The following FIG4 variants were observed in gnomAD, a reference collection of about 807,000 sequenced individuals.
The protein encoded by FIG4 is FIG4 phosphoinositide 5-phosphatase.
A neutral mutation model predicts 118.6 loss-of-function variants in FIG4; 112 were observed. The observed-to-expected ratio is 0.94, with a 90% CI of 0.81 to 1.11. The LOEUF is 1.11. FIG4 is among the 50% of genes least tolerant of loss of function. The pLI, the probability that FIG4 is intolerant of heterozygous loss-of-function variation, is 0.00. For missense variants in FIG4, 969 were observed against 1,111.7 expected (o/e 0.87, Z 1.83); for synonymous variants, 369 against 381.2 (o/e 0.97, Z 0.37).
chr6:109,744,695 G>C (rs1352381871), intron 10 of FIG4, among the ~76,000 whole-genome samples: 1 of 151,930 alleles, frequency 6.6e-6, no homozygotes, highest in East Asian at 1.9e-4. Context: ...GAACGTGCAG[G>C]TTTGTTACAT....
At chr6:109,705,823 C>T (rs925313513) in intron 1 of FIG4, among the ~76,000 whole-genome samples, 17 of 152,230 alleles carry the variant, frequency 1.1e-4, no homozygotes, top group African/African-American at 4.1e-4. Flanking sequence ...CACATATACC[C>T]CCAAACCTAA....
rs1456546831 is a variant in FIG4 at position 109,691,510 on chromosome 6, C to A, written c.66+9C>A. On this transcript the variant is annotated intron_variant, in intron 1 of 22. Coordinates refer to ENST00000230124, the MANE Select transcript of FIG4 (RefSeq NM_014845.6). ...TGTATGAGACTAGAGCTGTGAGTACCCCCTCGCGGCGGGGCGCAGGCGGGA... is the reference window on the plus strand; with the variant it reads ...TGTATGAGACTAGAGCTGTGAGTACACCCTCGCGGCGGGGCGCAGGCGGGA... The A allele has an allele frequency of 1.3e-6, 2 of 1,569,292 alleles. No homozygotes were observed. The highest frequency in any genetic ancestry group is 1.7e-6 in the Non-Finnish European group (2 of 1,156,596).
chr6:109,742,530 A>G (rs1776357870), intron 8 of FIG4, among the ~76,000 whole-genome samples: 1 of 152,076 alleles, frequency 6.6e-6, no homozygotes. Context: ...AACAGTGAAA[A>G]TTGTTACAGC....
chr6:109,769,633 A>T (rs1294226747), intron 15 of FIG4, among the ~76,000 whole-genome samples: 1 of 152,048 alleles, frequency 6.6e-6, no homozygotes, highest in Admixed American at 6.5e-5. Context: ...TAAAAAAAAA[A>T]AAAAGCGCTG....
At chr6:109,755,506 G>C (rs1271029883) in intron 10 of FIG4, among the ~76,000 whole-genome samples, 1 of 152,038 alleles carries the variant, frequency 6.6e-6, no homozygotes, top group East Asian at 1.9e-4. Context: ...AACTTTCTGT[G>C]ACGTTGATCT....
chr6:109,738,698 T>G (rs1043047796), intron 7 of FIG4, among the ~76,000 whole-genome samples: 2 of 152,114 alleles, frequency 1.3e-5, no homozygotes, highest in African/African-American at 2.4e-5. Flanking sequence ...AGGTAATAAG[T>G]GTCATGCTTA....
At position 109,766,726 on chromosome 6, in the gene FIG4, TA is replaced by T. The variant is rs1190452793; in HGVS notation, c.1584-2del. 2 of 1,613,376 alleles carry T rather than the reference TA, an allele frequency of 1.2e-6. No homozygotes were observed. The highest frequency in any genetic ancestry group is 2.7e-5 in the African/African-American group (2 of 74,918). ...TTCTTTAATCGGGTTTTTCTTTTTT[TA>T]GGTTATTTGAGGAACTCTATGAAGA... On this transcript the variant is annotated splice_acceptor_variant, in intron 14 of 22. Transcript: ENST00000230124. LOFTEE classifies it high-confidence loss of function.
chr6:109,755,410 T>G (rs1258387445), intron 10 of FIG4, among the ~76,000 whole-genome samples: 2 of 152,190 alleles, frequency 1.3e-5, no homozygotes, highest in East Asian at 1.9e-4. Context: ...AAATGTATAT[T>G]CTGTTGATTT....
intron 22 of FIG4, among the ~76,000 whole-genome samples, chr6:109,810,653 CTGTT>C (rs1353592986): frequency 1.3e-5 from 2 of 152,230 alleles, no homozygotes; most frequent in African/African-American, 4.8e-5. Context: ...AAGATCCAAA[CTGTT>C]TGTTCACTCA....
chr6:109,766,653 G>T (rs2128392568), intron 14 of FIG4, 76 bp from the exon 15 acceptor site: 2 of 1,253,822 alleles, frequency 1.6e-6, no homozygotes, highest in Non-Finnish European at 1.2e-6. Flanking sequence ...TATAAGACTT[G>T]TTTGGAGTTT....
intron 16 of FIG4, among the ~76,000 whole-genome samples, chr6:109,783,236 C>G (rs1251743618): frequency 1.3e-5 from 2 of 152,182 alleles, no homozygotes; most frequent in Admixed American, 6.5e-5. Flanking sequence ...ATGTAACAAA[C>G]CTGCACGTTC....
chr6:109,693,327 A>G (rs1378669475), intron 1 of FIG4, among the ~76,000 whole-genome samples: 1 of 152,054 alleles, frequency 6.6e-6, no homozygotes, highest in Non-Finnish European at 1.5e-5. Context: ...GCTGTTCTCT[A>G]TTCTCTTAAT....
At chr6:109,702,739 T>G (rs969297056) in intron 1 of FIG4, among the ~76,000 whole-genome samples, 32 of 152,172 alleles carry the variant, frequency 2.1e-4, no homozygotes, top group African/African-American at 7.2e-4. Context: ...TTCTTCAGAC[T>G]CTGCCAATAC....
chr6:109,823,812 T>C (rs1779079459), intron 22 of FIG4, among the ~76,000 whole-genome samples: 1 of 152,190 alleles, frequency 6.6e-6, no homozygotes, highest in Non-Finnish European at 1.5e-5. Flanking sequence ...CTCCAGATTT[T>C]CTTTCCCTGT....
rs573739307 is a variant in FIG4, at chr6:109,762,349, A to T, written c.1388+142A>T. ...CACTGCTCACATGACTGAGTGCTGA[A>T]TGTTCACTGGGGCATGGGAATTCCT... On this transcript the variant is annotated intron_variant, in intron 12 of 22. Coordinates refer to ENST00000230124, the MANE Select transcript of FIG4 (RefSeq NM_014845.6). 4 of 676,180 alleles carry T rather than the reference A, an allele frequency of 5.9e-6. No homozygotes were observed. The Admixed American group carries it at 8.2e-5, about 14-fold the overall frequency. 41.9% of individuals were successfully genotyped at this position (676,180 alleles called of 1,614,324 possible).
chr6:109,732,266 T>C (rs1776023113), intron 4 of FIG4, among the ~76,000 whole-genome samples: 1 of 152,188 alleles, frequency 6.6e-6, no homozygotes, highest in Non-Finnish European at 1.5e-5. Context: ...GTGACCCACA[T>C]TGCGCTTGTT....
At chr6:109,818,716 C>CA (rs975584835) in intron 22 of FIG4, among the ~76,000 whole-genome samples, 1 of 152,102 alleles carries the variant, frequency 6.6e-6, no homozygotes, top group African/African-American at 2.4e-5. Flanking sequence ...ATACTGTATT[C>CA]AAAAAGCCAT....
chr6:109,804,817 A>G (rs1778518213), intron 22 of FIG4, among the ~76,000 whole-genome samples: 2 of 152,142 alleles, frequency 1.3e-5, no homozygotes, highest in Non-Finnish European at 2.9e-5. Flanking sequence ...AATGGAACCC[A>G]CTATGTGGTA....
At chr6:109,790,605 C>T (rs1778109393) in intron 19 of FIG4, among the ~76,000 whole-genome samples, 1 of 152,198 alleles carries the variant, frequency 6.6e-6, no homozygotes, top group African/African-American at 2.4e-5. Flanking sequence ...CATAAAATTG[C>T]ATTTTCCTTT....
Sources: gnomAD v4.1 joint callset for allele counts (sites outside exome capture counted in the v4.1 genomes callset) on GRCh38, gnomAD v4.1.1 for gene constraint, MANE v1.5 for transcripts, NCBI Gene and HGNC (gene_info 2026-07-23, HGNC 2026-07-21) for gene names.